BCR: variants seen among roughly 807,000 people sequenced by gnomAD.
BCR encodes the protein BCR activator of RhoGEF and GTPase, also known as breakpoint cluster region protein.
In BCR, 58 loss-of-function variants were observed where a neutral mutation model predicts 138.6. The observed-to-expected ratio is 0.42, with a 90% CI of 0.34 to 0.52. The LOEUF (loss-of-function observed/expected upper bound fraction) is 0.52. BCR is among the 20% of genes least tolerant of loss of function. BCR has a pLI of 0.06. For synonymous variants in BCR, 786 were observed against 730.1 expected (o/e 1.08, Z -1.23); for missense variants, 1,599 against 1,727.2 (o/e 0.93, Z 1.32).
intron 19 of BCR, chr22:23,312,553 T>C (rs201772177): frequency 0.09 from 22,610 of 251,480 alleles, 841 homozygotes; most frequent in African/African-American, 0.16. Context: ...GCCTTCCTGC[T>C]ATCAGACGAC....
chr22:23,233,011 T>A (rs2072975931), intron 1 of BCR, among the ~76,000 whole-genome samples: 1 of 152,240 alleles, frequency 6.6e-6, no homozygotes, highest in Non-Finnish European at 1.5e-5. Context: ...CTCTAATAGC[T>A]TCAGCCTGGA....
intron 1 of BCR, among the ~76,000 whole-genome samples, chr22:23,208,991 C>T (rs186827478): frequency 6.6e-6 from 1 of 152,290 alleles, no homozygotes; most frequent in African/African-American, 2.4e-5. Flanking sequence ...ATATAGCCTT[C>T]GTCTTTTGTT....
chr22:23,206,611 C>T (rs2072617578), intron 1 of BCR, among the ~76,000 whole-genome samples: 1 of 151,810 alleles, frequency 6.6e-6, no homozygotes, highest in Non-Finnish European at 1.5e-5. Flanking sequence ...AATAGTCATT[C>T]ATTGATTAAA....
chr22:23,271,737 C>T (rs1050970104), intron 6 of BCR, 145 bp downstream of exon 6: 14 of 770,678 alleles, frequency 1.8e-5, no homozygotes, highest in East Asian at 5.4e-5. Flanking sequence ...AGAGTGGGCA[C>T]GAGGAAAGAA....
intron 1 of BCR, among the ~76,000 whole-genome samples, chr22:23,247,813 A>G (rs1348800139): frequency 6.6e-6 from 1 of 152,190 alleles, no homozygotes; most frequent in East Asian, 1.9e-4. Flanking sequence ...GAATCATAAC[A>G]ATATTTGTCC....
Position 23,182,061 on chromosome 22 carries a change from C to CCGCT in BCR, c.1103_1106dup (p.Pro370LeufsTer22). ...CCTACCGCATGTTCCGGGACAAAAGCCGCTCTCCCTCGCAGAACTCGCAAC... is the reference window on the plus strand; with the variant it reads ...CCTACCGCATGTTCCGGGACAAAAGCCGCTCGCTCTCCCTCGCAGAACTCGCAAC... On this transcript the variant is annotated frameshift_variant, in exon 1 of 23. Coordinates refer to ENST00000305877, the MANE Select transcript of BCR (RefSeq NM_004327.4). LOFTEE classifies it high-confidence loss of function. 1 of 1,613,590 alleles carries CCGCT rather than the reference C, an allele frequency of 6.2e-7. No homozygotes were observed. Among genetic ancestry groups the CCGCT allele is most frequent in the Non-Finnish European group, 8.5e-7 (1 of 1,180,014 alleles).
At chr22:23,280,509 G>C (rs879766310) in intron 8 of BCR, among the ~76,000 whole-genome samples, 6 of 152,198 alleles carry the variant, frequency 3.9e-5, no homozygotes, top group Non-Finnish European at 8.8e-5. Flanking sequence ...CATGGCGAAG[G>C]GTGACAGCCC....
intron 16 of BCR, among the ~76,000 whole-genome samples, chr22:23,300,785 C>A (rs1317862878): frequency 6.6e-6 from 1 of 152,242 alleles, no homozygotes; most frequent in African/African-American, 2.4e-5. Context: ...CCAGCCAGAG[C>A]ACCAGCTTCA....
At position 23,181,240 on chromosome 22, in the gene BCR, G is replaced by C. The variant is rs1421214097; in HGVS notation, c.280G>C (p.Ala94Pro). The C allele has an allele frequency of 2.4e-6, 3 of 1,234,282 alleles. No individual in the cohort carries two copies. The East Asian group carries it at 1.0e-4, about 43-fold the overall frequency. The allele number at this position is 1,234,282 out of a possible 1,614,324, so 76.5% of individuals were successfully genotyped here. A position where few individuals can be genotyped will look rare whatever the true frequency, so the allele number is the denominator to read the frequency against. Residue 94 changes from alanine to proline, a missense_variant, in exon 1 of 23, where the codon GCG becomes CCG. Physicochemically the swap from Ala to Pro is conservative, Grantham distance 27. Around this residue, in one of 4 missense-constraint regions of BCR, gnomAD observed 806 missense variants for 635.0 expected, o/e 1.27. Transcript: ENST00000305877. The part of the protein sequence containing the change: ...PDGASEPRAS[A>P]SRPQPAPADG... ...CGGCGCCTCCGAGCCCCGAGCGTCC[G>C]CGTCGCGCCCGCAGCCAGCGCCCGC...
chr22:23,268,425 G>C lies in BCR; in HGVS notation c.1770G>C (p.Val590=). ...CCCCTCAGGCCAGCCAGCTGGGTGT[G>C]TACCGGGCCTTCGTGGACAACTACG... is the stretch of plus-strand genomic sequence containing the variant. The part of the protein sequence containing the change: ...LFQKLASQLG[V]YRAFVDNYGV... Residue 590 remains valine, a synonymous_variant, in exon 5 of 23, where the codon GTG becomes GTC. Transcript: ENST00000305877. 1 of 1,612,840 alleles carries C rather than the reference G, an allele frequency of 6.2e-7. No individual in the cohort carries two copies. Among genetic ancestry groups the C allele is most frequent in the Non-Finnish European group, 8.5e-7 (1 of 1,179,370 alleles).
intron 4 of BCR, 54 bp from the exon 5 acceptor site, chr22:23,268,354 A>C: frequency 6.9e-7 from 1 of 1,439,528 alleles, no homozygotes; most frequent in African/African-American, 1.4e-5. Flanking sequence ...GCTCTTCAGA[A>C]AGATGGGGGA....
chr22:23,229,276 T>C (rs1270828500), intron 1 of BCR, among the ~76,000 whole-genome samples: 2 of 152,232 alleles, frequency 1.3e-5, no homozygotes, highest in African/African-American at 4.8e-5. Flanking sequence ...TCCTTTCTTC[T>C]TAGAGCATGG....
intron 1 of BCR, among the ~76,000 whole-genome samples, chr22:23,204,251 C>G (rs1227388867): frequency 6.6e-6 from 1 of 152,198 alleles, no homozygotes; most frequent in Non-Finnish European, 1.5e-5. Context: ...CTTGCTCCTC[C>G]TCTTGCTCTG....
intron 1 of BCR, among the ~76,000 whole-genome samples, chr22:23,190,811 T>C (rs1356592386): frequency 6.6e-6 from 1 of 152,182 alleles, no homozygotes; most frequent in Non-Finnish European, 1.5e-5. Flanking sequence ...TCAGGAGGGC[T>C]GCGTGCTAAA....
intron 5 of BCR, 63 bp downstream of exon 5, chr22:23,268,578 C>T (rs79769038): frequency 0.014 from 18,665 of 1,355,126 alleles, 176 homozygotes; most frequent in Non-Finnish European, 0.016. Context: ...CTCCACCTCC[C>T]GAGGAGAACA....
chr22:23,223,917 C>T (rs917697315), intron 1 of BCR, among the ~76,000 whole-genome samples: 2 of 152,160 alleles, frequency 1.3e-5, no homozygotes, highest in African/African-American at 2.4e-5. Context: ...CATGGGGAGC[C>T]GCCTCTTCCT....
rs539988162 is a variant in BCR, at chr22:23,238,765, G to T, written c.1280-15034G>T. ...AGGGTGACCCAGGATTAGGCCGGGG[G>T]TGGGAATTACAGACTACCCCCAGGA... On this transcript the variant is annotated intron_variant, in intron 1 of 22. Coordinates refer to ENST00000305877, the MANE Select transcript of BCR (RefSeq NM_004327.4). Among the ~76,000 whole-genome samples, 4 of 152,200 alleles carry T rather than the reference G, an allele frequency of 2.6e-5. 1 individual carries two copies. Among genetic ancestry groups the T allele is most frequent in the African/African-American group, 7.2e-5 (3 of 41,504 alleles).
chr22:23,190,403 G>A (rs1569238166), intron 1 of BCR, among the ~76,000 whole-genome samples: 1 of 152,012 alleles, frequency 6.6e-6, no homozygotes, highest in Non-Finnish European at 1.5e-5. Flanking sequence ...TCTGACCTTA[G>A]GTGATCCGCC....
At chr22:23,283,047 T>G (rs1453780510) in intron 8 of BCR, among the ~76,000 whole-genome samples, 2 of 152,196 alleles carry the variant, frequency 1.3e-5, no homozygotes, top group Non-Finnish European at 2.9e-5. Flanking sequence ...GCTCGTGCAG[T>G]GCGCTGGTCC....
Sources: gnomAD v4.1 joint callset for allele counts (sites outside exome capture counted in the v4.1 genomes callset) on GRCh38, gnomAD v4.1.1 for gene constraint, gnomAD v4.1.1 regional missense constraint, MANE v1.5 for transcripts, NCBI Gene and HGNC (gene_info 2026-07-23, HGNC 2026-07-21) for gene names.